The following PCDHA1 variants were observed in gnomAD, a reference collection of about 807,000 sequenced individuals.
PCDHA1 encodes protocadherin alpha 1, also known as protocadherin alpha-1.
Under a neutral mutation model 61.3 loss-of-function variants are expected in PCDHA1, and 42 were observed. The ratio of observed to expected loss-of-function variants is 0.69; its 90% CI spans 0.54 to 0.89. PCDHA1 has a LOEUF of 0.89. Among genes scored for constraint, PCDHA1 ranks in the 40% least tolerant of loss-of-function variants. The pLI, the probability that PCDHA1 is intolerant of heterozygous loss-of-function variation, is 0.00. For synonymous variants in PCDHA1, 610 were observed against 553.8 expected (o/e 1.10, Z -1.43); for missense variants, 1,256 against 1,235.3 (o/e 1.02, Z -0.25).
chr5:140,818,777 C>T (rs1420309458), intron 1 of PCDHA1, among the ~76,000 whole-genome samples: 20 of 152,210 alleles, frequency 1.3e-4, no homozygotes, highest in African/African-American at 4.8e-4. Context: ...CTGCAATGAA[C>T]TTTGACTGTA....
At chr5:140,798,189 AAGC>A (rs1762301906) in intron 1 of PCDHA1, among the ~76,000 whole-genome samples, 2 of 152,106 alleles carry the variant, frequency 1.3e-5, no homozygotes, top group South Asian at 4.1e-4. Context: ...TTGTATTTGA[AAGC>A]AGCCTGAGTG....
At chr5:140,869,781 T>G in intron 1 of PCDHA1, 1 of 1,612,992 alleles carries the variant, frequency 6.2e-7, no homozygotes, top group African/African-American at 1.3e-5. Context: ...CTGGCACCGT[T>G]CGGCTGTTAG....
Position 140,873,357 on chromosome 5 carries a change from G to T in PCDHA1, c.2394+84673G>T, listed in dbSNP as rs564914388. On this transcript the variant is annotated intron_variant, in intron 1 of 3. Coordinates refer to ENST00000504120, the MANE Select transcript of PCDHA1 (RefSeq NM_018900.4). ...TACTCATCTCCAGATGAAATTTTTG[G>T]AATAACTGAAGATCTTTTAAAGACT... Among the ~76,000 whole-genome samples the T allele has an allele frequency of 2.0e-5, 3 of 152,172 alleles. No individual in the cohort carries two copies. In the South Asian group the frequency reaches 6.2e-4, roughly 32 times the overall value.
intron 1 of PCDHA1, 74 bp downstream of exon 1, chr5:140,788,758 A>C: frequency 6.8e-7 from 1 of 1,462,320 alleles, no homozygotes; most frequent in Non-Finnish European, 9.1e-7. Flanking sequence ...TTCAAATATC[A>C]CTTTAAAAAA....
In PCDHA1 at chr5:140,823,360, C is replaced by T. The variant is rs1470640408; in HGVS notation, c.2394+34676C>T. 9.9e-6 allele frequency: 16 copies of T among 1,612,570 alleles called. No homozygotes were observed. The African/African-American group carries it at 1.7e-4, about 17-fold the overall frequency. The stretch of plus-strand genomic sequence containing the variant: ...GCCGCTGGACCACGAGGAAGTGGAG[C>T]TGCTGCAGTTCCAGGTGAGCGCGCG... On this transcript the variant is annotated intron_variant, in intron 1 of 3. Coordinates refer to ENST00000504120, the MANE Select transcript of PCDHA1 (RefSeq NM_018900.4).
At chr5:140,802,665 G>A (rs1554122266) in intron 1 of PCDHA1, 1 of 1,613,518 alleles carries the variant, frequency 6.2e-7, no homozygotes, top group African/African-American at 1.3e-5. Context: ...GAACGCCCTG[G>A]TGTCCTACTC....
chr5:140,888,494 T>C (rs1554183489), intron 1 of PCDHA1, among the ~76,000 whole-genome samples: 1 of 152,236 alleles, frequency 6.6e-6, no homozygotes, highest in Non-Finnish European at 1.5e-5. Context: ...GAAACTCTGC[T>C]TTAAAGAGTC....
At chr5:140,809,111 G>A in intron 1 of PCDHA1, 1 of 1,613,938 alleles carries the variant, frequency 6.2e-7, no homozygotes, top group African/African-American at 1.3e-5. Context: ...CGAAACGGAC[G>A]CTCCGCGCCA....
At chr5:140,914,059 G>A (rs2076582448) in intron 1 of PCDHA1, among the ~76,000 whole-genome samples, 1 of 152,202 alleles carries the variant, frequency 6.6e-6, no homozygotes, top group African/African-American at 2.4e-5. Flanking sequence ...GCTGTTGGAT[G>A]AAATGCTCCA....
At chr5:140,797,457 A>G (rs782741709) in intron 1 of PCDHA1, 2 of 1,299,104 alleles carry the variant, frequency 1.5e-6, no homozygotes, top group Non-Finnish European at 2.1e-6. Context: ...TTTATTTTAT[A>G]TCATCCTACC....
chr5:140,799,178 C>A (rs558650162), intron 1 of PCDHA1, among the ~76,000 whole-genome samples: 1 of 152,208 alleles, frequency 6.6e-6, no homozygotes, highest in Admixed American at 6.5e-5. Context: ...TTCACTGATA[C>A]TTTATCTACA....
At chr5:140,857,067 T>G (rs1245365064) in intron 1 of PCDHA1, 2 of 1,596,142 alleles carry the variant, frequency 1.3e-6, no homozygotes, top group East Asian at 2.2e-5. Context: ...GTGGAACTAC[T>G]GGATGAAAAT....
At chr5:140,981,939 A>G (rs765176340) in intron 2 of PCDHA1, among the ~76,000 whole-genome samples, 1 of 152,180 alleles carries the variant, frequency 6.6e-6, no homozygotes, top group Non-Finnish European at 1.5e-5. Context: ...CTCAGGAAAT[A>G]TAGGGTGGGT....
At position 140,997,438 on chromosome 5, in the gene PCDHA1, A is replaced by G. The variant is rs182158337; in HGVS notation, c.2543-12189A>G. ...CTCCTAGGCTACAAACCTGTATATC[A>G]TGTTACTATACTGAATACTGTAGGC... On this transcript the variant is annotated intron_variant, in intron 3 of 3. Transcript: ENST00000504120. Among the ~76,000 whole-genome samples, 274 of 152,308 alleles carry G rather than the reference A, an allele frequency of 1.8e-3. 2 individuals are homozygous for G. The highest frequency in any genetic ancestry group is 6.0e-3 in the African/African-American group (248 of 41,560).
intron 1 of PCDHA1, chr5:140,857,535 G>A (rs1413308998): frequency 1.9e-6 from 3 of 1,597,418 alleles, no homozygotes; most frequent in Non-Finnish European, 2.6e-6. Flanking sequence ...CTGGTGGAGC[G>A]GCGGTTGGGC....
At chr5:140,803,653 C>T (rs781810632) in intron 1 of PCDHA1, 2 of 1,610,548 alleles carry the variant, frequency 1.2e-6, no homozygotes, top group Non-Finnish European at 1.7e-6. Flanking sequence ...AATGTTTCCA[C>T]TCCTCTGGAA....
At chr5:140,809,086 A>G in intron 1 of PCDHA1, 3 of 1,613,938 alleles carry the variant, frequency 1.9e-6, no homozygotes, top group South Asian at 2.2e-5. Flanking sequence ...AGATCAGCAC[A>G]ACGCGTGCCC....
At chr5:141,006,390 T>G (rs539931677) in intron 3 of PCDHA1, among the ~76,000 whole-genome samples, 149 of 152,058 alleles carry the variant, frequency 9.8e-4, no homozygotes, top group African/African-American at 3.0e-3. Context: ...TTTTTTCTAT[T>G]TTTTAGTAGA....
intron 3 of PCDHA1, among the ~76,000 whole-genome samples, chr5:141,000,395 C>A (rs664650): frequency 0.072 from 3,868 of 53,704 alleles, 168 homozygotes; most frequent in Non-Finnish European, 0.081. Flanking sequence ...CTCTCTCTCT[C>A]TATATATATA....
Sources: gnomAD v4.1 joint callset for allele counts (sites outside exome capture counted in the v4.1 genomes callset) on GRCh38, gnomAD v4.1.1 for gene constraint, MANE v1.5 for transcripts, NCBI Gene and HGNC (gene_info 2026-07-23, HGNC 2026-07-21) for gene names.